Variants in CCDC148 observed in about 807,000 individuals in gnomAD.
CCDC148 encodes the protein coiled-coil domain-containing protein 148.
CCDC148 carries 89 observed loss-of-function variants against 85.7 expected under a neutral mutation model. That is an observed-to-expected ratio of 1.04 (90% CI 0.87 to 1.24). The LOEUF (loss-of-function observed/expected upper bound fraction) is 1.24. Among genes scored for constraint, CCDC148 ranks in the 50% most tolerant of loss-of-function variants. The pLI, the probability that CCDC148 is intolerant of heterozygous loss-of-function variation, is 0.00. For missense variants in CCDC148, 692 were observed against 671.7 expected (o/e 1.03, Z -0.33); for synonymous variants, 230 against 213.9 (o/e 1.08, Z -0.66).
At chr2:158,413,654 G>T (rs1686366242) in intron 1 of CCDC148, among the ~76,000 whole-genome samples, 1 of 148,604 alleles carries the variant, frequency 6.7e-6, no homozygotes, top group South Asian at 2.1e-4. Context: ...AACTTTTTCT[G>T]TAGAAGGACA....
intron 2 of CCDC148, among the ~76,000 whole-genome samples, chr2:158,352,855 C>T (rs894798591): frequency 1.3e-5 from 2 of 151,968 alleles, no homozygotes; most frequent in African/African-American, 2.4e-5. Context: ...AAAGGGAAGC[C>T]CATCAGACTA....
intron 8 of CCDC148, among the ~76,000 whole-genome samples, chr2:158,312,597 AC>A (rs1418883788): frequency 6.3e-5 from 9 of 142,566 alleles, no homozygotes; most frequent in Non-Finnish European, 1.1e-4. Flanking sequence ...AAAAAAAAAA[AC>A]CAAAAAACAA....
chr2:158,222,365 T>C (rs1687231289), intron 10 of CCDC148, among the ~76,000 whole-genome samples: 1 of 152,164 alleles, frequency 6.6e-6, no homozygotes. Context: ...ATGTTATACC[T>C]GGAGCTTTTT....
chr2:158,207,805 G>A lies in CCDC148; in HGVS notation c.1370+12790C>T, dbSNP rs554450862. Reference sequence around the variant, plus strand: ...ATTAAGGTAGGAGTCAACCTATTGAGTAAAGAACTGCAGTCAGTCAAGATG... The same window carrying A: ...ATTAAGGTAGGAGTCAACCTATTGAATAAAGAACTGCAGTCAGTCAAGATG... On this transcript the variant is annotated intron_variant, in intron 11 of 13. Coordinates refer to ENST00000283233, the MANE Select transcript of CCDC148 (RefSeq NM_138803.4). Among the ~76,000 whole-genome samples the A allele has an allele frequency of 4.6e-5, 7 of 152,300 alleles. No individual in the cohort carries two copies. In the East Asian group the frequency reaches 1.4e-3, roughly 29 times the overall value.
In CCDC148 at chr2:158,358,392, T is replaced by C. The variant is rs1683767375; in HGVS notation, c.147+57A>G. On this transcript the variant is annotated intron_variant, in intron 2 of 13. Transcript: ENST00000283233. ...ATTTTCACATTGACAATGTAAATAC[T>C]TTCCAGCAATTCGATTTTCTAAAAC... The C allele has an allele frequency of 1.2e-5, 19 of 1,574,464 alleles. 1 individual carries two copies. The Admixed American group carries it at 3.3e-4, about 27-fold the overall frequency.
At chr2:158,227,062 G>T (rs985055093) in intron 10 of CCDC148, among the ~76,000 whole-genome samples, 1 of 151,836 alleles carries the variant, frequency 6.6e-6, no homozygotes, top group African/African-American at 2.4e-5. Context: ...AAACCCCATC[G>T]TCTCAGCCCA....
chr2:158,210,938 G>A lies in CCDC148; in HGVS notation c.1370+9657C>T, dbSNP rs182579178. Among the ~76,000 whole-genome samples the A allele has an allele frequency of 9.9e-4, 137 of 138,852 alleles. 1 individual carries two copies. In the East Asian group the frequency reaches 0.022, roughly 22 times the overall value. 91.1% of individuals were successfully genotyped at this position (138,852 alleles called of 152,430 possible). On this transcript the variant is annotated intron_variant, in intron 11 of 13. Transcript: ENST00000283233. ...CATGCCACTGCACTCCAGCCTGGGC[G>A]ACAGAGCAAGACTCTGTCTCGAAAA...
intron 1 of CCDC148, among the ~76,000 whole-genome samples, chr2:158,427,616 T>C (rs1687135547): frequency 6.6e-6 from 1 of 151,950 alleles, no homozygotes; most frequent in South Asian, 2.1e-4. Context: ...ATACCTATAA[T>C]CCCAACACTT....
At chr2:158,209,627 C>T (rs1445377034) in intron 11 of CCDC148, among the ~76,000 whole-genome samples, 1 of 152,108 alleles carries the variant, frequency 6.6e-6, no homozygotes, top group East Asian at 1.9e-4. Flanking sequence ...CTGCAGAAAC[C>T]CTACAAGCCA....
chr2:158,217,776 A>C (rs1368882885), intron 11 of CCDC148, among the ~76,000 whole-genome samples: 1 of 152,202 alleles, frequency 6.6e-6, no homozygotes, highest in African/African-American at 2.4e-5. Flanking sequence ...GAAGTTTTCA[A>C]ACCCTCAAGG....
intron 11 of CCDC148, among the ~76,000 whole-genome samples, chr2:158,217,562 C>T (rs1686953319): frequency 6.6e-6 from 1 of 151,784 alleles, no homozygotes; most frequent in Non-Finnish European, 1.5e-5. Context: ...GCCACCATGC[C>T]CGGCTAATTT....
In CCDC148 at chr2:158,300,807, A is replaced by T. The variant is rs150580892; in HGVS notation, c.1110+8626T>A. Among the ~76,000 whole-genome samples, 6 of 152,302 alleles carry T rather than the reference A, an allele frequency of 3.9e-5. No individual in the cohort carries two copies. In the East Asian group the frequency reaches 1.2e-3, roughly 29 times the overall value. Reference sequence around the variant, plus strand: ...AGCCATGCCAGAAAGTTGGGCCATTACTGTAAGCAAATGAGATGGTATCAT... The same window carrying T: ...AGCCATGCCAGAAAGTTGGGCCATTTCTGTAAGCAAATGAGATGGTATCAT... On this transcript the variant is annotated intron_variant, in intron 9 of 13. Coordinates refer to ENST00000283233, the MANE Select transcript of CCDC148 (RefSeq NM_138803.4).
In CCDC148 at chr2:158,442,502, C is replaced by T. The variant is rs141986914; in HGVS notation, c.25+13913G>A. ...TGGGAGAAAAAGTTGCCATAGGTAG[C>T]CATTCTTTCAAATTAAATGAAAGGA... On this transcript the variant is annotated intron_variant, in intron 1 of 13. Transcript: ENST00000283233. 4.9e-3 allele frequency among the ~76,000 whole-genome samples: 744 copies of T among 152,266 alleles called. 3 individuals are homozygous for T. Among genetic ancestry groups the T allele is most frequent in the African/African-American group, 0.017 (708 of 41,548 alleles).
intron 1 of CCDC148, among the ~76,000 whole-genome samples, chr2:158,360,791 G>C (rs571793251): frequency 6.6e-6 from 1 of 151,886 alleles, no homozygotes; most frequent in African/African-American, 2.4e-5. Flanking sequence ...ATGACACCTC[G>C]TCAGCAAGGG....
chr2:158,405,477 T>C, intron 1 of CCDC148, among the ~76,000 whole-genome samples: 1 of 152,062 alleles, frequency 6.6e-6, no homozygotes, highest in African/African-American at 2.4e-5. Flanking sequence ...TAATCCAAAC[T>C]GATACAAATA....
chr2:158,321,120 C>T (rs1692501686), intron 7 of CCDC148, among the ~76,000 whole-genome samples: 1 of 151,942 alleles, frequency 6.6e-6, no homozygotes, highest in Non-Finnish European at 1.5e-5. Flanking sequence ...GTTTTATTCC[C>T]ACGACAAACT....
At chr2:158,385,251 C>T (rs921714679) in intron 1 of CCDC148, among the ~76,000 whole-genome samples, 6 of 152,120 alleles carry the variant, frequency 3.9e-5, no homozygotes, top group Non-Finnish European at 5.9e-5. Context: ...TATCAGGAAC[C>T]TTAATTACAT....
At chr2:158,191,455 G>T (rs963053337) in intron 11 of CCDC148, among the ~76,000 whole-genome samples, 1 of 152,000 alleles carries the variant, frequency 6.6e-6, no homozygotes, top group Non-Finnish European at 1.5e-5. Flanking sequence ...AAAAAAGAAA[G>T]TCAGTGGAGC....
chr2:158,416,512 T>TC (rs1160649915), intron 1 of CCDC148, among the ~76,000 whole-genome samples: 1 of 152,128 alleles, frequency 6.6e-6, no homozygotes, highest in Non-Finnish European at 1.5e-5. Flanking sequence ...AGTACAAAGT[T>TC]CAACAGATTC....
Sources: gnomAD v4.1 joint callset for allele counts (sites outside exome capture counted in the v4.1 genomes callset) on GRCh38, gnomAD v4.1.1 for gene constraint, MANE v1.5 for transcripts, NCBI Gene and HGNC (gene_info 2026-07-23, HGNC 2026-07-21) for gene names.